The following SAXO5 variants were observed in gnomAD, a reference collection of about 807,000 sequenced individuals.
SAXO5 encodes stabilizer of axonemal microtubules 5.
chr19:7,498,715 G>C, the SAXO5 span, among the ~76,000 whole-genome samples: 1 of 152,076 alleles, frequency 6.6e-6, no homozygotes, highest in South Asian at 2.1e-4. Context: ...TTCTAAATAG[G>C]TAGAGGTAAG....
chr19:7,507,193 G>A, the SAXO5 span: 1 of 1,479,276 alleles, frequency 6.8e-7, no homozygotes, highest in African/African-American at 1.4e-5. Context: ...CCACATTGGT[G>A]TAGAGTTATC....
chr19:7,506,135 C>T, the SAXO5 span: 1 of 1,611,474 alleles, frequency 6.2e-7, no homozygotes, highest in Non-Finnish European at 8.5e-7. Flanking sequence ...CCTCCACTTG[C>T]AGCAAAGCTA....
chr19:7,500,564 C>T, the SAXO5 span, among the ~76,000 whole-genome samples: 2 of 152,148 alleles, frequency 1.3e-5, no homozygotes, highest in East Asian at 3.9e-4. Context: ...CCGGCCTCGG[C>T]CTCCCAAAGT....
At chr19:7,508,208 C>T in the SAXO5 span, 1 of 1,613,348 alleles carries the variant, frequency 6.2e-7, no homozygotes, top group Non-Finnish European at 8.5e-7. Context: ...CTCCACAGTG[C>T]AAGTACAGCC....
At chr19:7,498,116 C>G in the SAXO5 span, among the ~76,000 whole-genome samples, 1 of 147,036 alleles carries the variant, frequency 6.8e-6, no homozygotes, top group African/African-American at 2.6e-5. Context: ...AAAAAAAAAG[C>G]AACAAACTTA....
the SAXO5 span, chr19:7,501,157 A>G: frequency 6.6e-7 from 1 of 1,511,582 alleles, no homozygotes; most frequent in Admixed American, 2.1e-5. Context: ...CAGGCCGGCA[A>G]CCTGCACCTG....
At chr19:7,505,463 C>T in the SAXO5 span, 8,722 of 1,613,280 alleles carry the variant, frequency 5.4e-3, 31 homozygotes, top group Non-Finnish European at 6.8e-3. Flanking sequence ...CGCCCCGTCC[C>T]GCCTCCCACC....
At chr19:7,504,161 T>G in the SAXO5 span, 1 of 1,613,574 alleles carries the variant, frequency 6.2e-7, no homozygotes, top group Non-Finnish European at 8.5e-7. Context: ...CGAGACAAGA[T>G]GGGACTTCCT....
At chr19:7,502,527 C>T in the SAXO5 span, among the ~76,000 whole-genome samples, 1 of 152,186 alleles carries the variant, frequency 6.6e-6, no homozygotes, top group Non-Finnish European at 1.5e-5. Flanking sequence ...TACACCAAGC[C>T]TCAGAAACCC....
the SAXO5 span, chr19:7,501,041 G>A: frequency 2.6e-6 from 4 of 1,516,634 alleles, no homozygotes; most frequent in Admixed American, 2.0e-5. Context: ...ACCCGCGCTG[G>A]GACCGGGAAG....
the SAXO5 span, chr19:7,506,828 C>T: frequency 3.7e-6 from 2 of 542,076 alleles, no homozygotes; most frequent in Admixed American, 3.2e-5. Flanking sequence ...TCCCCAGCGC[C>T]TACCTCTTTC....
At chr19:7,505,454 G>T in the SAXO5 span, 1 of 1,613,498 alleles carries the variant, frequency 6.2e-7, no homozygotes, top group Non-Finnish European at 8.5e-7. Flanking sequence ...CCTGAGGCCC[G>T]CCCCGTCCCG....
chr19:7,501,783 C>T, the SAXO5 span, among the ~76,000 whole-genome samples: 3,713 of 151,240 alleles, frequency 0.025, 66 homozygotes, highest in Middle Eastern at 0.061. Flanking sequence ...ATTGTGCCAC[C>T]GCATTCCAAC....
the SAXO5 span, chr19:7,501,001 A>AGCC: frequency 1.3e-5 from 20 of 1,531,660 alleles, no homozygotes; most frequent in South Asian, 2.1e-4. Context: ...CCGAGCCTGC[A>AGCC]GCCGCCGCCC....
chr19:7,498,812 G>C, the SAXO5 span: 2 of 152,456 alleles, frequency 1.3e-5, no homozygotes, highest in Non-Finnish European at 2.9e-5. Flanking sequence ...AAGGGAGACA[G>C]AGAGGAGAGC....
the SAXO5 span, chr19:7,506,438 A>C: frequency 1.0e-5 from 5 of 482,640 alleles, no homozygotes; most frequent in Non-Finnish European, 1.1e-5. Flanking sequence ...CCGCCCCTTC[A>C]TGGCCATGCC....
the SAXO5 span, chr19:7,501,008 G>A: frequency 1.3e-6 from 2 of 1,528,688 alleles, no homozygotes; most frequent in East Asian, 2.5e-5. Context: ...TGCAGCCGCC[G>A]CCCGCGCTGC....
At chr19:7,506,957 C>T in the SAXO5 span, 1 of 948,052 alleles carries the variant, frequency 1.1e-6, no homozygotes. Flanking sequence ...CAGCGCTGGC[C>T]TGGGCTTGGC....
the SAXO5 span, among the ~76,000 whole-genome samples, chr19:7,498,230 T>G: frequency 4.6e-5 from 7 of 151,748 alleles, no homozygotes; most frequent in Admixed American, 4.6e-4. Context: ...TCTATTTTTG[T>G]GATGGGGTTT....
Sources: allele counts gnomAD v4.1 joint callset (sites outside exome capture counted in the v4.1 genomes callset), GRCh38; gene constraint gnomAD v4.1.1; transcripts MANE v1.5; gene names NCBI Gene and HGNC (gene_info 2026-07-23, HGNC 2026-07-21).